Variants in CALCR observed in about 807,000 individuals in gnomAD.
CALCR encodes the protein calcitonin receptor.
CALCR carries 47 observed loss-of-function variants against 59.5 expected under a neutral mutation model. The ratio of observed to expected loss-of-function variants is 0.79; its 90% CI spans 0.63 to 1.01. CALCR has a LOEUF of 1.01. Ranked by LOEUF, CALCR falls within the 50% of genes least tolerant of loss-of-function variation. The pLI is 0.00. For missense variants in CALCR, 566 were observed against 597.1 expected (o/e 0.95, Z 0.54); for synonymous variants, 213 against 211.3 (o/e 1.01, Z -0.07).
At chr7:93,454,682 G>A (rs1800173298) in intron 8 of CALCR, among the ~76,000 whole-genome samples, 1 of 151,770 alleles carries the variant, frequency 6.6e-6, no homozygotes, top group African/African-American at 2.4e-5. Context: ...ATAACAATGG[G>A]CAATTTTCAC....
Position 93,444,411 on chromosome 7 carries a change from GT to G in CALCR, c.649-655del, listed in dbSNP as rs372980804. 2.3e-3 allele frequency among the ~76,000 whole-genome samples: 353 copies of G among 152,176 alleles called. 2 individuals are homozygous for G. Among genetic ancestry groups the G allele is most frequent in the South Asian group, 7.5e-3 (36 of 4,820 alleles). On this transcript the variant is annotated intron_variant, in intron 8 of 13. Coordinates refer to ENST00000426151, the MANE Select transcript of CALCR (RefSeq NM_001742.4). ...AAGAGTCAGATTAATATTGTTGTCT[GT>G]ATAGAAATAACCATTGCTTGTACTG...
At chr7:93,568,245 T>G (rs1162654572) in intron 2 of CALCR, among the ~76,000 whole-genome samples, 1 of 152,140 alleles carries the variant, frequency 6.6e-6, no homozygotes, top group Non-Finnish European at 1.5e-5. Flanking sequence ...GGAAGCAGCA[T>G]GTAAGTTAAG....
chr7:93,479,329 T>C (rs776427868), intron 4 of CALCR, 25 bp downstream of exon 4: 4 of 1,571,250 alleles, frequency 2.5e-6, no homozygotes, highest in South Asian at 1.2e-5. Context: ...TTCAAACATA[T>C]GTTCATATAT....
chr7:93,451,968 T>C (rs527651208), intron 8 of CALCR, among the ~76,000 whole-genome samples: 30 of 152,008 alleles, frequency 2.0e-4, no homozygotes, highest in Admixed American at 1.6e-3. Context: ...GAGTTAAACA[T>C]TGATCACACA....
In CALCR at chr7:93,438,229, C is replaced by T; in HGVS notation, c.844G>A (p.Ala282Thr). 5 of 1,613,382 alleles carry T rather than the reference C, an allele frequency of 3.1e-6. No individual in the cohort carries two copies. Among genetic ancestry groups the T allele is most frequent in the East Asian group, 2.2e-5 (1 of 44,884 alleles). ...VPTTIHAITR[A>T]VYFNDNCWLS... ...ACTTACTTGTCATTGAAGTACACGG[C>T]CCTGGTAATAGCATGGATAGTGGTT... Residue 282 changes from alanine to threonine, a missense_variant, in exon 10 of 14, where the codon GCC (alanine) becomes ACC (threonine). Transcript: ENST00000426151.
At chr7:93,514,895 A>G (rs1167410778) in intron 2 of CALCR, among the ~76,000 whole-genome samples, 2 of 152,056 alleles carry the variant, frequency 1.3e-5, no homozygotes, top group East Asian at 1.9e-4. Context: ...TAGGTTATTT[A>G]GAAATACTTT....
rs200637048 is a variant in CALCR, at chr7:93,486,902, A to G, written c.51+29T>C. ...TCCTTATTCAGCATTCTTCATTAGCATGGCTTTGAATACTTTTGTTTTACT... is the reference window on the plus strand; with the variant it reads ...TCCTTATTCAGCATTCTTCATTAGCGTGGCTTTGAATACTTTTGTTTTACT... On this transcript the variant is annotated intron_variant, in intron 3 of 13. Coordinates refer to ENST00000426151, the MANE Select transcript of CALCR (RefSeq NM_001742.4). 55 of 1,316,656 alleles carry G rather than the reference A, an allele frequency of 4.2e-5. No individual in the cohort carries two copies. The East Asian group carries it at 1.2e-3, about 30-fold the overall frequency. The allele number at this position is 1,316,656 out of a possible 1,614,324, so 81.6% of individuals were successfully genotyped here.
chr7:93,571,418 G>A (rs1377796046), intron 2 of CALCR, among the ~76,000 whole-genome samples: 2 of 151,360 alleles, frequency 1.3e-5, no homozygotes, highest in African/African-American at 2.4e-5. Flanking sequence ...ATAACACATA[G>A]AACTTACCAT....
rs114504637 is a variant in CALCR at position 93,501,180 on chromosome 7, A to G, written c.-26-14173T>C. 5.1e-3 allele frequency among the ~76,000 whole-genome samples: 774 copies of G among 152,138 alleles called. 10 individuals are homozygous for G. Among genetic ancestry groups the G allele is most frequent in the Middle Eastern group, 0.02 (6 of 294 alleles). ...AGTTGTTTCCCACCATGACCCTAAG[A>G]GCTAAGAATCAGTGGTCTGATCTGA... On this transcript the variant is annotated intron_variant, in intron 2 of 13. Transcript: ENST00000426151.
intron 9 of CALCR, among the ~76,000 whole-genome samples, chr7:93,438,558 G>A (rs1799833265): frequency 6.6e-6 from 1 of 152,160 alleles, no homozygotes; most frequent in Non-Finnish European, 1.5e-5. Context: ...TATTACCATT[G>A]TTATGTTTAT....
chr7:93,496,939 G>GA (rs1266874100), intron 2 of CALCR, among the ~76,000 whole-genome samples: 1 of 151,556 alleles, frequency 6.6e-6, no homozygotes, highest in Non-Finnish European at 1.5e-5. Context: ...TAACCTATTT[G>GA]AAAATCATTC....
intron 2 of CALCR, among the ~76,000 whole-genome samples, chr7:93,519,077 A>G (rs1801705022): frequency 6.6e-6 from 1 of 151,978 alleles, no homozygotes. Context: ...ACACTGCTGT[A>G]TATAATCTTC....
chr7:93,561,895 C>A (rs34921807), intron 2 of CALCR, among the ~76,000 whole-genome samples: 1 of 151,494 alleles, frequency 6.6e-6, no homozygotes, highest in Non-Finnish European at 1.5e-5. Context: ...GACGGTGATT[C>A]AGACCGTGAG....
rs530931616 is a variant in CALCR at position 93,426,472 on chromosome 7, C to T, written c.1309G>A (p.Asp437Asn). The change falls in exon 14 of 14, where the codon GAC becomes AAC. Residue 437 changes from aspartate to asparagine, a missense_variant. By Grantham distance (23) the Asp-to-Asn change is conservative. Coordinates refer to ENST00000426151, the MANE Select transcript of CALCR (RefSeq NM_001742.4). Reference sequence around the variant, plus strand: ...TGATGGCAGATGTAAATTGGGATGTCGCCAGCCTCCGCAGCAGCGGCTGCA... The same window carrying T: ...TGATGGCAGATGTAAATTGGGATGTTGCCAGCCTCCGCAGCAGCGGCTGCA... ...RAAAAAAEAG[D>N]IPIYICHQEL... The T allele has an allele frequency of 9.9e-6, 16 of 1,613,676 alleles. No homozygotes were observed. The highest frequency in any genetic ancestry group is 6.7e-5 in the East Asian group (3 of 44,826).
intron 2 of CALCR, among the ~76,000 whole-genome samples, chr7:93,558,758 C>G (rs1789669401): frequency 1.3e-5 from 2 of 152,058 alleles, no homozygotes; most frequent in Non-Finnish European, 2.9e-5. Context: ...ATGCTTCACT[C>G]AAAACCTCTT....
intron 13 of CALCR, among the ~76,000 whole-genome samples, chr7:93,429,341 T>C (rs990132759): frequency 2.0e-5 from 3 of 152,168 alleles, no homozygotes; most frequent in African/African-American, 7.2e-5. Context: ...GAGAGTTTTG[T>C]TGCTCCTGAA....
At chr7:93,490,071 C>T (rs1027728535) in intron 2 of CALCR, among the ~76,000 whole-genome samples, 3 of 151,660 alleles carry the variant, frequency 2.0e-5, no homozygotes, top group Non-Finnish European at 3.0e-5. Flanking sequence ...ATGATCAAGT[C>T]GGCTTCATCC....
intron 7 of CALCR, among the ~76,000 whole-genome samples, chr7:93,467,193 T>G (rs149204686): frequency 3.6e-4 from 55 of 151,952 alleles, no homozygotes; most frequent in Non-Finnish European, 6.2e-4. Context: ...ATTAATCATG[T>G]TATGTGATTA....
chr7:93,565,850 C>T (rs1789854040), intron 2 of CALCR, among the ~76,000 whole-genome samples: 1 of 152,198 alleles, frequency 6.6e-6, no homozygotes, highest in Non-Finnish European at 1.5e-5. Context: ...GATACATCCT[C>T]ATACTTGAAA....
Sources: allele counts gnomAD v4.1 joint callset (sites outside exome capture counted in the v4.1 genomes callset), GRCh38; gene constraint gnomAD v4.1.1; transcripts MANE v1.5; gene names NCBI Gene and HGNC (gene_info 2026-07-23, HGNC 2026-07-21).